COPG2: variants seen among roughly 807,000 people sequenced by gnomAD.
The protein encoded by COPG2 is coat protein complex I subunit gamma 2, also known as coatomer subunit gamma-2.
In COPG2, 37 loss-of-function variants were observed where a neutral mutation model predicts 46.3. The observed-to-expected ratio is 0.80, with a 90% CI of 0.61 to 1.05. The LOEUF (loss-of-function observed/expected upper bound fraction) is 1.05. Among genes scored for constraint, COPG2 ranks in the 50% least tolerant of loss-of-function variants. The pLI is 0.00. For synonymous variants in COPG2, 159 were observed against 129.7 expected (o/e 1.23, Z -1.53); for missense variants, 427 against 387.8 (o/e 1.10, Z -0.85).
chr7:130,523,495 C>G (rs918771566), intron 20 of COPG2, among the ~76,000 whole-genome samples: 1 of 152,018 alleles, frequency 6.6e-6, no homozygotes, highest in Non-Finnish European at 1.5e-5. Context: ...ACGTGGAGTG[C>G]GAGGGGAAGA....
intron 5 of COPG2, among the ~76,000 whole-genome samples, chr7:130,641,669 G>C (rs868970007): frequency 1.3e-5 from 2 of 152,188 alleles, no homozygotes; most frequent in South Asian, 4.1e-4. Context: ...AGTCATAATA[G>C]TATCTCATTT....
chr7:130,577,390 GT>G (rs1369410730), intron 9 of COPG2, among the ~76,000 whole-genome samples: 1 of 152,206 alleles, frequency 6.6e-6, no homozygotes, highest in African/African-American at 2.4e-5. Context: ...CCCTTTCCGA[GT>G]CAAAGAAAGG....
At chr7:130,552,552 T>C (rs1436513042) in intron 14 of COPG2, 122 bp from the exon 15 acceptor site, 2 of 393,622 alleles carry the variant, frequency 5.1e-6, no homozygotes, top group African/African-American at 2.1e-5. Context: ...CCTTGTTTTA[T>C]TGAGTGTTTC....
rs10695449 is a variant in COPG2 at position 130,618,100 on chromosome 7, C to CA, written c.324-1036dup. On this transcript the variant is annotated intron_variant, in intron 5 of 23. Coordinates refer to ENST00000425248, the MANE Select transcript of COPG2 (RefSeq NM_012133.6). ...TGGGTGACAGAGTGAGACCCTGTCT[C>CA]AAAAAAAAAAAAAAAAAAAGACTTT... 6.9e-3 allele frequency among the ~76,000 whole-genome samples: 446 copies of CA among 64,580 alleles called. 21 individuals carry two copies. In the Admixed American group the frequency reaches 0.075, roughly 11 times the overall value. The allele number at this position is 64,580 out of a possible 152,430, so 42.4% of individuals were successfully genotyped here.
At chr7:130,555,228 G>C (rs1793602934) in intron 12 of COPG2, 96 bp from the exon 13 acceptor site, 1 of 389,066 alleles carries the variant, frequency 2.6e-6, no homozygotes, top group Non-Finnish European at 4.5e-6. Context: ...TATAATTATG[G>C]CTACTAAACA....
intron 4 of COPG2, among the ~76,000 whole-genome samples, chr7:130,653,854 A>G (rs1026568429): frequency 6.6e-6 from 1 of 152,216 alleles, no homozygotes; most frequent in Non-Finnish European, 1.5e-5. Context: ...AAACAGAAAA[A>G]AAACACACAC....
chr7:130,631,898 T>C (rs555606788), intron 5 of COPG2, among the ~76,000 whole-genome samples: 130 of 152,328 alleles, frequency 8.5e-4, no homozygotes, highest in Non-Finnish European at 1.5e-3. Context: ...AAATCCCTTT[T>C]ATAATTAATG....
intron 20 of COPG2, chr7:130,509,917 C>A: frequency 2.1e-6 from 1 of 475,890 alleles, no homozygotes. Context: ...TGCAAAAGAG[C>A]TTTGGCAAGC....
intron 20 of COPG2, among the ~76,000 whole-genome samples, chr7:130,519,726 A>T (rs1158018277): frequency 1.3e-5 from 2 of 152,228 alleles, no homozygotes; most frequent in African/African-American, 4.8e-5. Flanking sequence ...GATAGAAAAA[A>T]GAAACAGAGG....
chr7:130,590,586 G>A (rs1305881365), intron 9 of COPG2, among the ~76,000 whole-genome samples: 1 of 152,004 alleles, frequency 6.6e-6, no homozygotes, highest in Non-Finnish European at 1.5e-5. Context: ...GGAGTGCAGT[G>A]GCATGATCTC....
chr7:130,560,495 T>A (rs1230717604), intron 12 of COPG2, among the ~76,000 whole-genome samples: 4 of 152,146 alleles, frequency 2.6e-5, no homozygotes, highest in Non-Finnish European at 5.9e-5. Context: ...GGTCCTAAAT[T>A]TCATAGGAAA....
intron 5 of COPG2, among the ~76,000 whole-genome samples, chr7:130,630,115 G>A (rs1795201807): frequency 6.6e-6 from 1 of 151,896 alleles, no homozygotes; most frequent in Admixed American, 6.6e-5. Flanking sequence ...GTTTCACCAT[G>A]TTGGCCAGGA....
chr7:130,643,727 G>T (rs1373335921), intron 5 of COPG2, among the ~76,000 whole-genome samples: 2 of 152,136 alleles, frequency 1.3e-5, no homozygotes, highest in African/African-American at 2.4e-5. Flanking sequence ...GGAGGCCAAG[G>T]CATGTCAGAG....
At chr7:130,667,714 T>C (rs1474689237) in intron 1 of COPG2, among the ~76,000 whole-genome samples, 180 bp from the exon 2 acceptor site, 1 of 152,216 alleles carries the variant, frequency 6.6e-6, no homozygotes, top group Non-Finnish European at 1.5e-5. Context: ...GTCACTGCCA[T>C]ACTCGAAGAG....
At chr7:130,521,369 CAG>C (rs1799721718) in intron 20 of COPG2, among the ~76,000 whole-genome samples, 1 of 152,146 alleles carries the variant, frequency 6.6e-6, no homozygotes, top group African/African-American at 2.4e-5. Context: ...AAGGAACAAA[CAG>C]AGAACTAAAG....
At chr7:130,561,989 TA>T (rs1472403117) in intron 11 of COPG2, among the ~76,000 whole-genome samples, 1 of 152,144 alleles carries the variant, frequency 6.6e-6, no homozygotes, top group Non-Finnish European at 1.5e-5. Flanking sequence ...TTCTAAAATT[TA>T]ACTAAAAGCA....
At chr7:130,648,117 T>A (rs1167921349) in intron 5 of COPG2, among the ~76,000 whole-genome samples, 1 of 152,214 alleles carries the variant, frequency 6.6e-6, no homozygotes, top group East Asian at 1.9e-4. Flanking sequence ...TATATTCTTT[T>A]GTGAAGTATG....
At chr7:130,527,804 C>G (rs1453026829) in intron 20 of COPG2, among the ~76,000 whole-genome samples, 2 of 151,998 alleles carry the variant, frequency 1.3e-5, no homozygotes, top group African/African-American at 4.8e-5. Context: ...TCCTGACAGA[C>G]CAGGACAAGG....
intron 14 of COPG2, among the ~76,000 whole-genome samples, chr7:130,553,578 G>C (rs1352801462): frequency 6.6e-6 from 1 of 152,202 alleles, no homozygotes; most frequent in Non-Finnish European, 1.5e-5. Context: ...TGTGAGGTTA[G>C]TTTGAATTTC....
Sources: gnomAD v4.1 joint callset for allele counts (sites outside exome capture counted in the v4.1 genomes callset) on GRCh38, gnomAD v4.1.1 for gene constraint, MANE v1.5 for transcripts, NCBI Gene and HGNC (gene_info 2026-07-23, HGNC 2026-07-21) for gene names.